The following XPO1 variants were observed in gnomAD, a reference collection of about 807,000 sequenced individuals.
XPO1 encodes exportin-1.
XPO1 carries 5 observed loss-of-function variants against 133.3 expected under a neutral mutation model. The ratio of observed to expected loss-of-function variants is 0.04; its 90% CI spans 0.02 to 0.08. The LOEUF (loss-of-function observed/expected upper bound fraction) is 0.08, where lower values mean the gene tolerates loss of function less well. XPO1 is among the 10% of genes least tolerant of loss of function. The probability of loss-of-function intolerance (pLI) is 1.00; values close to 1 mark genes in which losing one functional copy is unlikely to be tolerated. For synonymous variants in XPO1, 419 were observed against 408.2 expected, an observed-to-expected ratio of 1.03 and a Z score of -0.32; for missense variants, 506 against 1,267.5, an observed-to-expected ratio of 0.40 and a Z score of 9.12.
rs531751185 is a variant in XPO1 at position 61,512,857 on chromosome 2, A to G, written c.301+9754T>C. On this transcript the variant is annotated intron_variant, in intron 4 of 24. Transcript: ENST00000401558. Reference sequence around the variant, plus strand: ...GGAGTTCCAGACCAGCCTGGCCAACATGGGGCAACCCCATCTCTACTAAAA... The same window carrying G: ...GGAGTTCCAGACCAGCCTGGCCAACGTGGGGCAACCCCATCTCTACTAAAA... Among the ~76,000 whole-genome samples the G allele has an allele frequency of 1.3e-3, 203 of 152,278 alleles. 1 individual carries two copies. Among genetic ancestry groups the G allele is most frequent in the African/African-American group, 4.6e-3 (192 of 41,562 alleles).
rs1553408872 is a variant in XPO1 at position 61,502,137 on chromosome 2, T to A, written c.364-97A>T. 2.3e-5 allele frequency: 35 copies of A among 1,489,912 alleles called. No homozygotes were observed. In the South Asian group the frequency reaches 4.1e-4, roughly 17 times the overall value. 92.3% of individuals were successfully genotyped at this position (1,489,912 alleles called of 1,614,324 possible). A position where few individuals can be genotyped will look rare whatever the true frequency, so the allele number is the denominator to read the frequency against. The stretch of plus-strand genomic sequence containing the variant: ...CAAATGATTACAGCTCTACTGTAAA[T>A]GACTGACTGTGCATATGTGTGACTA... On this transcript the variant is annotated intron_variant, in intron 5 of 24. Coordinates refer to ENST00000401558, the MANE Select transcript of XPO1 (RefSeq NM_003400.4).
At chr2:61,537,317 G>A (rs1218065014) in intron 1 of XPO1, among the ~76,000 whole-genome samples, 3 of 149,830 alleles carry the variant, frequency 2.0e-5, no homozygotes, top group Non-Finnish European at 4.4e-5. Flanking sequence ...ACCGCCACCC[G>A]CACACGCGAA....
chr2:61,529,625 G>C (rs1054562952), intron 2 of XPO1, among the ~76,000 whole-genome samples: 2 of 150,180 alleles, frequency 1.3e-5, no homozygotes, highest in Non-Finnish European at 2.9e-5. Context: ...TCACACCACT[G>C]CACTCCAGCC....
At chr2:61,502,179 T>G in intron 5 of XPO1, 70 bp downstream of exon 5, 2 of 1,561,108 alleles carry the variant, frequency 1.3e-6, no homozygotes, top group Non-Finnish European at 1.7e-6. Flanking sequence ...TTGACAGAAT[T>G]AGGTTGTAGT....
intron 4 of XPO1, among the ~76,000 whole-genome samples, chr2:61,520,079 C>T (rs1041425021): frequency 6.6e-6 from 1 of 151,964 alleles, no homozygotes; most frequent in African/African-American, 2.4e-5. Context: ...TAGTAGTAAT[C>T]GGTACAAAGG....
At chr2:61,522,724 T>C (rs750772080) in intron 3 of XPO1, 41 bp from the exon 4 acceptor site, 7 of 1,443,160 alleles carry the variant, frequency 4.9e-6, no homozygotes, top group Middle Eastern at 1.8e-4. Flanking sequence ...ATATTGCTTA[T>C]AGGACTGGCA....
chr2:61,527,122 C>G (rs1218028943), intron 2 of XPO1, among the ~76,000 whole-genome samples: 1 of 152,090 alleles, frequency 6.6e-6, no homozygotes, highest in Admixed American at 6.6e-5. Context: ...AACCAAAGAT[C>G]TATTCTGAAG....
intron 24 of XPO1, among the ~76,000 whole-genome samples, chr2:61,479,613 A>G (rs1268280697): frequency 6.6e-6 from 1 of 152,138 alleles, no homozygotes; most frequent in East Asian, 1.9e-4. Flanking sequence ...TTTGTGATAG[A>G]GTCTTGTTCT....
At chr2:61,522,720 C>CT (rs1346435944) in intron 3 of XPO1, 37 bp from the exon 4 acceptor site, 1 of 1,464,102 alleles carries the variant, frequency 6.8e-7, no homozygotes, top group Non-Finnish European at 9.5e-7. Flanking sequence ...GAATATATTG[C>CT]TTATAGGACT....
rs1282344500 is a variant in XPO1 at position 61,477,916 on chromosome 2, G to A, written c.*904C>T. ...CACTATCATTAATATAGGAATAAATGAGTCAATAAAGGAAAAATAAATGTA... is the reference window on the plus strand; with the variant it reads ...CACTATCATTAATATAGGAATAAATAAGTCAATAAAGGAAAAATAAATGTA... On this transcript the variant is annotated 3_prime_UTR_variant, in exon 25 of 25. Transcript: ENST00000401558. The A allele has an allele frequency of 4.6e-6, 1 of 218,018 alleles. No homozygotes were observed. Among genetic ancestry groups the A allele is most frequent in the South Asian group, 1.8e-4 (1 of 5,408 alleles). The allele number at this position is 218,018 out of a possible 1,614,324, so 13.5% of individuals were successfully genotyped here.
In XPO1 at chr2:61,503,998, T is replaced by A. The variant is rs145203279; in HGVS notation, c.302-1688A>T. Reference sequence around the variant, plus strand: ...AGGCGGAGGCTGCAGTGAACGGAGATCATGCCACTGCACTCCAGCCTGGGC... The same window carrying A: ...AGGCGGAGGCTGCAGTGAACGGAGAACATGCCACTGCACTCCAGCCTGGGC... On this transcript the variant is annotated intron_variant, in intron 4 of 24. Coordinates refer to ENST00000401558, the MANE Select transcript of XPO1 (RefSeq NM_003400.4). 2.6e-3 allele frequency among the ~76,000 whole-genome samples: 390 copies of A among 152,308 alleles called. 2 individuals are homozygous for A. The highest frequency in any genetic ancestry group is 9.1e-3 in the African/African-American group (378 of 41,572).
At chr2:61,524,096 T>C (rs1394625551) in intron 3 of XPO1, among the ~76,000 whole-genome samples, 1 of 152,178 alleles carries the variant, frequency 6.6e-6, no homozygotes, top group Non-Finnish European at 1.5e-5. Context: ...AGTTCTTAAT[T>C]AGCTTTTAAA....
At position 61,478,689 on chromosome 2, in the gene XPO1, AC is replaced by A; in HGVS notation, c.*130del. 2 of 870,184 alleles carry A rather than the reference AC, an allele frequency of 2.3e-6. No individual in the cohort carries two copies. Among genetic ancestry groups the A allele is most frequent in the Non-Finnish European group, 3.3e-6 (2 of 606,072 alleles). The allele number at this position is 870,184 out of a possible 1,614,324, so 53.9% of individuals were successfully genotyped here. The stretch of plus-strand genomic sequence containing the variant: ...CACAGAAAATTTCTTATACAAAAAA[AC>A]ACATAAGAAAAAGGGCCACTAGGTG... On this transcript the variant is annotated 3_prime_UTR_variant, in exon 25 of 25. Coordinates refer to ENST00000401558, the MANE Select transcript of XPO1 (RefSeq NM_003400.4).
intron 24 of XPO1, among the ~76,000 whole-genome samples, chr2:61,480,816 G>A (rs1696311214): frequency 6.6e-6 from 1 of 152,006 alleles, no homozygotes; most frequent in African/African-American, 2.4e-5. Context: ...TATAACAGCA[G>A]AAGAAAGACA....
chr2:61,515,623 A>G (rs968354186), intron 4 of XPO1, among the ~76,000 whole-genome samples: 1 of 152,190 alleles, frequency 6.6e-6, no homozygotes, highest in African/African-American at 2.4e-5. Context: ...ACAAACTGAA[A>G]TATGAGGTCA....
At chr2:61,499,242 A>C (rs959824370) in intron 7 of XPO1, among the ~76,000 whole-genome samples, 6 of 152,200 alleles carry the variant, frequency 3.9e-5, no homozygotes, top group Non-Finnish European at 5.9e-5. Flanking sequence ...AACTGAAAAG[A>C]AGCAGAGACA....
intron 4 of XPO1, among the ~76,000 whole-genome samples, chr2:61,503,193 G>C (rs1348909096): frequency 3.3e-5 from 5 of 152,082 alleles, no homozygotes; most frequent in African/African-American, 4.8e-5. Context: ...CTGACCTCAA[G>C]TGATCCGCCC....
intron 2 of XPO1, among the ~76,000 whole-genome samples, chr2:61,528,733 TTATATATA>T (rs10528074): frequency 0.014 from 1,658 of 115,336 alleles, 22 homozygotes; most frequent in South Asian, 0.027. Flanking sequence ...GACATTTTAT[TTATATATA>T]TATATATATA....
intron 1 of XPO1, among the ~76,000 whole-genome samples, chr2:61,535,379 T>C (rs535944989): frequency 1.2e-4 from 19 of 152,284 alleles, no homozygotes; most frequent in African/African-American, 4.6e-4. Flanking sequence ...CCCAGTTTAG[T>C]GTATTTAGAA....
Sources: gnomAD v4.1 joint callset for allele counts (sites outside exome capture counted in the v4.1 genomes callset) on GRCh38, gnomAD v4.1.1 for gene constraint, MANE v1.5 for transcripts, NCBI Gene and HGNC (gene_info 2026-07-23, HGNC 2026-07-21) for gene names.